The following DNAH7 variants were observed in gnomAD, a reference collection of about 807,000 sequenced individuals.
DNAH7 encodes the protein axonemal beta dynein heavy chain 7.
A neutral mutation model predicts 444.6 loss-of-function variants in DNAH7; 397 were observed. The ratio of observed to expected loss-of-function variants is 0.89; its 90% confidence interval spans 0.82 to 0.97. DNAH7 has a LOEUF of 0.97. Ranked by LOEUF, DNAH7 falls within the 50% of genes least tolerant of loss-of-function variation. DNAH7 has a pLI of 0.00. For missense variants in DNAH7, 4,902 were observed against 4,800.8 expected (o/e 1.02, Z -0.62); for synonymous variants, 1,636 against 1,624.4 (o/e 1.01, Z -0.17).
In DNAH7 at chr2:195,958,162, C is replaced by T. The variant is rs180712015; in HGVS notation, c.2892-715G>A. The stretch of plus-strand genomic sequence containing the variant: ...ACTTTGCCTGACTCTCCTGTCTCCC[C>T]TAACACCCTCTCCCCCTCTTCTGCT... On this transcript the variant is annotated intron_variant, in intron 18 of 64. Transcript: ENST00000312428. Among the ~76,000 whole-genome samples, 170 of 152,142 alleles carry T rather than the reference C, an allele frequency of 1.1e-3. 1 individual carries two copies. Among genetic ancestry groups the T allele is most frequent in the Non-Finnish European group, 2.0e-3 (139 of 67,980 alleles).
chr2:195,836,740 C>T (rs1248720195), intron 47 of DNAH7, among the ~76,000 whole-genome samples: 1 of 151,978 alleles, frequency 6.6e-6, no homozygotes, highest in East Asian at 1.9e-4. Context: ...TTCATTATGT[C>T]ACATTTTAGA....
intron 48 of DNAH7, among the ~76,000 whole-genome samples, chr2:195,832,240 T>A (rs563742360): frequency 6.6e-6 from 1 of 152,276 alleles, no homozygotes; most frequent in South Asian, 2.1e-4. Flanking sequence ...TATGGCCCTT[T>A]TGTGTCTAAA....
Position 195,737,920 on chromosome 2 carries a change from G to T in DNAH7, c.*1C>A. On this transcript the variant is annotated 3_prime_UTR_variant, in exon 65 of 65. Coordinates refer to ENST00000312428, the MANE Select transcript of DNAH7 (RefSeq NM_018897.3). ...AGGAACAAGGAAATGATGTCTTCTG[G>T]TTATGAATTAAGTTGACATAACAGT... 6.2e-7 allele frequency: 1 copy of T among 1,613,524 alleles called. No individual in the cohort carries two copies. The highest frequency in any genetic ancestry group is 1.1e-5 in the South Asian group (1 of 91,054).
intron 47 of DNAH7, among the ~76,000 whole-genome samples, chr2:195,843,165 T>C (rs912214036): frequency 2.0e-5 from 3 of 152,206 alleles, no homozygotes; most frequent in Non-Finnish European, 2.9e-5. Flanking sequence ...TGTCAATCTG[T>C]AAGGTATATT....
At chr2:196,035,633 C>A (rs1696335902) in intron 5 of DNAH7, among the ~76,000 whole-genome samples, 1 of 152,132 alleles carries the variant, frequency 6.6e-6, no homozygotes, top group African/African-American at 2.4e-5. Context: ...ACACTGGAAT[C>A]CAGCAGAGAA....
At chr2:196,014,885 A>G (rs1454091905) in intron 9 of DNAH7, among the ~76,000 whole-genome samples, 3 of 152,140 alleles carry the variant, frequency 2.0e-5, no homozygotes, top group Non-Finnish European at 4.4e-5. Flanking sequence ...AGACCTTTTC[A>G]TATTAACACA....
chr2:195,852,777 C>A (rs974128950), intron 46 of DNAH7, among the ~76,000 whole-genome samples: 11 of 151,994 alleles, frequency 7.2e-5, no homozygotes, highest in Admixed American at 3.3e-4. Context: ...AGGAACAAAG[C>A]CACTTATCAA....
Position 196,000,892 on chromosome 2 carries a change from A to T in DNAH7, c.1174-9T>A, listed in dbSNP as rs1440928151. 6.4e-7 allele frequency: 1 copy of T among 1,554,058 alleles called. No homozygotes were observed. The highest frequency in any genetic ancestry group is 8.7e-7 in the Non-Finnish European group (1 of 1,154,986). ...AAAGCTCTAACAGAATCCTGCAAAA[A>T]ATTAAAAAATTTACATACATAAATA... On this transcript the variant is annotated splice_polypyrimidine_tract_variant and intron_variant, in intron 11 of 64. Coordinates refer to ENST00000312428, the MANE Select transcript of DNAH7 (RefSeq NM_018897.3).
intron 30 of DNAH7, chr2:195,894,771 G>A: frequency 2.6e-6 from 1 of 390,098 alleles, no homozygotes; most frequent in Non-Finnish European, 4.4e-6. Context: ...AGAAATAAAA[G>A]GTCGAAAGCA....
chr2:195,845,505 G>T (rs927879327), intron 46 of DNAH7, among the ~76,000 whole-genome samples: 91 of 152,154 alleles, frequency 6.0e-4, no homozygotes, highest in African/African-American at 2.2e-3. Flanking sequence ...ACAGAATTTG[G>T]AAAAAGTATT....
At chr2:195,880,474 G>A (rs984070628) in intron 36 of DNAH7, among the ~76,000 whole-genome samples, 4 of 150,108 alleles carry the variant, frequency 2.7e-5, no homozygotes, top group African/African-American at 7.4e-5. Flanking sequence ...GACTACAGGC[G>A]CCCGCCACCA....
intron 35 of DNAH7, among the ~76,000 whole-genome samples, chr2:195,882,316 A>G (rs1317684311): frequency 6.6e-6 from 1 of 152,242 alleles, no homozygotes; most frequent in Non-Finnish European, 1.5e-5. Context: ...AAACTAACCA[A>G]TAGGCTAAAG....
chr2:195,976,743 C>CAGAGAGAGAGAGAGAGAGAG (rs1692212889), intron 15 of DNAH7, among the ~76,000 whole-genome samples: 1 of 18,348 alleles, frequency 5.5e-5, no homozygotes, highest in Non-Finnish European at 1.8e-4. Context: ...GACAGAGAGG[C>CAGAGAGAGAGAGAGAGAGAG]AGACAGAGAG....
At chr2:196,007,023 T>C (rs1316911768) in intron 10 of DNAH7, among the ~76,000 whole-genome samples, 21 of 152,158 alleles carry the variant, frequency 1.4e-4, no homozygotes, top group Admixed American at 1.4e-3. Context: ...TAAGTTAAAA[T>C]TAATGTACAG....
intron 17 of DNAH7, among the ~76,000 whole-genome samples, chr2:195,966,045 A>AT (rs945814249): frequency 1.3e-5 from 2 of 150,822 alleles, no homozygotes; most frequent in Non-Finnish European, 1.5e-5. Flanking sequence ...GCATAATTAG[A>AT]TTTTTTTGTT....
chr2:196,050,941 T>G (rs1697427865), intron 3 of DNAH7, among the ~76,000 whole-genome samples: 1 of 152,210 alleles, frequency 6.6e-6, no homozygotes, highest in Non-Finnish European at 1.5e-5. Flanking sequence ...CTAATACTCC[T>G]TTTGCTAACC....
chr2:196,033,445 T>A (rs1696188840), intron 5 of DNAH7, among the ~76,000 whole-genome samples: 1 of 152,160 alleles, frequency 6.6e-6, no homozygotes, highest in Non-Finnish European at 1.5e-5. Flanking sequence ...TTAACCATCA[T>A]CTCCCCATTC....
At chr2:195,949,378 A>G (rs1178341417) in intron 19 of DNAH7, among the ~76,000 whole-genome samples, 1 of 152,002 alleles carries the variant, frequency 6.6e-6, no homozygotes, top group Non-Finnish European at 1.5e-5. Flanking sequence ...CTGCCTCCCG[A>G]GTTCAAGCAA....
In DNAH7 at chr2:195,778,629, A is replaced by AT. The variant is rs1290317981; in HGVS notation, c.10879-645_10879-644insA. Among the ~76,000 whole-genome samples, 5 of 53,318 alleles carry AT rather than the reference A, an allele frequency of 9.4e-5. 1 individual carries two copies. Among genetic ancestry groups the AT allele is most frequent in the South Asian group, 7.0e-4 (1 of 1,434 alleles). The allele number at this position is 53,318 out of a possible 152,430, so 35.0% of individuals were successfully genotyped here. ...GCAAGACCCTGTCTGAAAAAAAAAAAAAATAAATAAATAAATATATATATA... is the reference window on the plus strand; with the variant it reads ...GCAAGACCCTGTCTGAAAAAAAAAAATAAATAAATAAATAAATATATATATA... On this transcript the variant is annotated intron_variant, in intron 58 of 64. Coordinates refer to ENST00000312428, the MANE Select transcript of DNAH7 (RefSeq NM_018897.3).
Sources: allele counts gnomAD v4.1 joint callset (sites outside exome capture counted in the v4.1 genomes callset), GRCh38; gene constraint gnomAD v4.1.1; transcripts MANE v1.5; gene names NCBI Gene and HGNC (gene_info 2026-07-23, HGNC 2026-07-21).